ZFHX3: variants seen among roughly 807,000 people sequenced by gnomAD.
ZFHX3 encodes the protein zinc finger homeobox 3.
Under a neutral mutation model 279.1 loss-of-function variants are expected in ZFHX3, and 42 were observed. The ratio of observed to expected loss-of-function variants is 0.15; its 90% CI spans 0.12 to 0.19. The LOEUF (loss-of-function observed/expected upper bound fraction) is 0.19. Among genes scored for constraint, ZFHX3 ranks in the 10% least tolerant of loss-of-function variants. The pLI, the probability that ZFHX3 is intolerant of heterozygous loss-of-function variation, is 1.00. For synonymous variants in ZFHX3, 2,293 were observed against 1,957.8 expected, an observed-to-expected ratio of 1.17 and a Z score of -4.52; for missense variants, 4,981 against 4,754.0, an observed-to-expected ratio of 1.05 and a Z score of -1.40.
At chr16:72,798,998 G>A in intron 8 of ZFHX3, among the ~76,000 whole-genome samples, 1 of 152,224 alleles carries the variant, frequency 6.6e-6, no homozygotes, top group East Asian at 1.9e-4. Flanking sequence ...AGATCTAACA[G>A]TCTTTTAAAT....
At chr16:73,517,260 G>GA (rs1339394149) in intron 2 of ZFHX3, among the ~76,000 whole-genome samples, 1 of 152,142 alleles carries the variant, frequency 6.6e-6, no homozygotes, top group African/African-American at 2.4e-5. Context: ...CCTGTTTGGG[G>GA]ATCTCTGCAT....
At chr16:73,023,143 C>T (rs1030857992) in intron 1 of ZFHX3, among the ~76,000 whole-genome samples, 1 of 152,234 alleles carries the variant, frequency 6.6e-6, no homozygotes, top group African/African-American at 2.4e-5. Flanking sequence ...AGGAGAATCG[C>T]TTGAACCTCG....
chr16:73,326,640 G>C (rs563581240), intron 3 of ZFHX3, among the ~76,000 whole-genome samples: 1 of 126,748 alleles, frequency 7.9e-6, no homozygotes, highest in East Asian at 1.9e-4. Context: ...ACTGATAATG[G>C]GGATGTGGTT....
chr16:73,639,137 C>G (rs2052552338), intron 2 of ZFHX3, among the ~76,000 whole-genome samples: 1 of 152,060 alleles, frequency 6.6e-6, no homozygotes, highest in Admixed American at 6.5e-5. Context: ...TCTTTTATTC[C>G]TTCTACTCTT....
chr16:73,736,794 C>T (rs2053613514), intron 1 of ZFHX3, among the ~76,000 whole-genome samples: 2 of 152,194 alleles, frequency 1.3e-5, no homozygotes. Flanking sequence ...AATGGGAAGA[C>T]AGTTGGCCAT....
intron 3 of ZFHX3, among the ~76,000 whole-genome samples, chr16:72,947,487 C>T (rs765757319): frequency 2.0e-5 from 3 of 152,172 alleles, no homozygotes; most frequent in African/African-American, 4.8e-5. Flanking sequence ...AGATGACACA[C>T]CGAAAGCCAT....
At chr16:73,797,236 A>ACAAAAC (rs1960021463) in intron 1 of ZFHX3, among the ~76,000 whole-genome samples, 1 of 152,060 alleles carries the variant, frequency 6.6e-6, no homozygotes, top group African/African-American at 2.4e-5. Context: ...AACAACAACA[A>ACAAAAC]AACAGAAGTA....
chr16:72,990,307 T>C (rs1305055639), intron 1 of ZFHX3, among the ~76,000 whole-genome samples: 1 of 152,168 alleles, frequency 6.6e-6, no homozygotes, highest in Non-Finnish European at 1.5e-5. Context: ...GGGAAACGCA[T>C]TGTACTTGTG....
intron 1 of ZFHX3, among the ~76,000 whole-genome samples, chr16:73,862,348 C>T (rs756722255): frequency 2.0e-5 from 3 of 152,124 alleles, no homozygotes; most frequent in Non-Finnish European, 4.4e-5. Flanking sequence ...ACTAAGAACC[C>T]CATCAACTAC....
intron 2 of ZFHX3, among the ~76,000 whole-genome samples, chr16:73,611,161 T>C (rs751282602): frequency 3.9e-5 from 6 of 152,168 alleles, no homozygotes; most frequent in Non-Finnish European, 5.9e-5. Flanking sequence ...TTGGTTTTTT[T>C]TGAGTTTTTG....
At chr16:72,801,121 A>G (rs571474188) in intron 7 of ZFHX3, among the ~76,000 whole-genome samples, 132 of 152,326 alleles carry the variant, frequency 8.7e-4, no homozygotes, top group Non-Finnish European at 1.6e-3. Context: ...TGGGGTGGGA[A>G]GGGTAGGTGG....
Position 72,795,267 on chromosome 16 carries a change from G to A in ZFHX3, c.7415C>T (p.Pro2472Leu). Residue 2472 changes from proline (P) to leucine (L), a missense_variant, in exon 9 of 10, where the codon CCC becomes CTC. By Grantham distance (98) the Pro-to-Leu change is moderately conservative. This residue lies in a region of ZFHX3 where 744 missense variants were observed against 701.3 expected (regional missense o/e 1.06). Transcript: ENST00000268489. ...CAACGAAGGCAGGGACACCAGCTGG[G>A]GGAGCTTCTGCTGGGGAGTGTTGGT... The part of the protein sequence containing the change: ...QKTNTPQQKL[P>L]QLVSLPSLPQ... 1 of 1,612,934 alleles carries A rather than the reference G, an allele frequency of 6.2e-7. No individual in the cohort carries two copies.
At chr16:73,472,038 G>C (rs1417686226) in intron 2 of ZFHX3, among the ~76,000 whole-genome samples, 1 of 151,970 alleles carries the variant, frequency 6.6e-6, no homozygotes, top group Non-Finnish European at 1.5e-5. Context: ...TTCTGAGGCT[G>C]GTTCACTTCA....
intron 1 of ZFHX3, among the ~76,000 whole-genome samples, chr16:73,782,895 T>C (rs1959521641): frequency 6.6e-6 from 1 of 152,164 alleles, no homozygotes; most frequent in African/African-American, 2.4e-5. Flanking sequence ...CTTCTGCAAA[T>C]TGGGAGTTAA....
chr16:73,628,463 A>C (rs1451518906), intron 2 of ZFHX3, among the ~76,000 whole-genome samples: 1 of 152,206 alleles, frequency 6.6e-6, no homozygotes, highest in Non-Finnish European at 1.5e-5. Context: ...TTCACCAGAA[A>C]ACAAGAGTCC....
intron 3 of ZFHX3, among the ~76,000 whole-genome samples, chr16:73,402,727 G>A (rs907150634): frequency 7.2e-5 from 11 of 152,112 alleles, no homozygotes; most frequent in Non-Finnish European, 1.6e-4. Flanking sequence ...GCAGGGACAG[G>A]TCTGTATACA....
chr16:73,037,231 T>A (rs1964942188), intron 1 of ZFHX3, among the ~76,000 whole-genome samples: 1 of 152,028 alleles, frequency 6.6e-6, no homozygotes, highest in Non-Finnish European at 1.5e-5. Context: ...AATACTGGGG[T>A]AAGGAGGTAT....
chr16:72,880,085 C>T (rs746920302), intron 4 of ZFHX3, among the ~76,000 whole-genome samples: 34 of 152,150 alleles, frequency 2.2e-4, no homozygotes, highest in Admixed American at 7.2e-4. Flanking sequence ...CACTGAGAAC[C>T]GTGTGCTGCG....
At chr16:73,701,655 A>C (rs2053247881) in intron 1 of ZFHX3, among the ~76,000 whole-genome samples, 1 of 152,246 alleles carries the variant, frequency 6.6e-6, no homozygotes. Context: ...GGCCTAAATT[A>C]CAATTTAATT....
Sources: gnomAD v4.1 joint callset for allele counts (sites outside exome capture counted in the v4.1 genomes callset) on GRCh38, gnomAD v4.1.1 for gene constraint, gnomAD v4.1.1 regional missense constraint, MANE v1.5 for transcripts, NCBI Gene and HGNC (gene_info 2026-07-23, HGNC 2026-07-21) for gene names.